The following ANKFN1 variants were observed in gnomAD, a reference collection of about 807,000 sequenced individuals.
The protein encoded by ANKFN1 is ankyrin repeat and fibronectin type III domain containing 1, also known as ankyrin repeat and fibronectin type-III domain-containing protein 1.
In ANKFN1, 74 loss-of-function variants were observed where a neutral mutation model predicts 108.7. The ratio of observed to expected loss-of-function variants is 0.68; its 90% CI spans 0.56 to 0.83. ANKFN1 has a LOEUF of 0.83. Ranked by LOEUF, ANKFN1 falls within the 40% of genes least tolerant of loss-of-function variation. The pLI is 0.00. For synonymous variants in ANKFN1, 547 were observed against 516.2 expected, an observed-to-expected ratio of 1.06 and a Z score of -0.81; for missense variants, 1,505 against 1,382.3, an observed-to-expected ratio of 1.09 and a Z score of -1.41.
At chr17:56,429,178 T>G (rs1353578407) in intron 8 of ANKFN1, among the ~76,000 whole-genome samples, 2 of 152,152 alleles carry the variant, frequency 1.3e-5, no homozygotes, top group African/African-American at 2.4e-5. Context: ...CAGATAGTGA[T>G]AAGTGAAAAA....
chr17:56,249,697 G>C (rs1163308919), intron 3 of ANKFN1, among the ~76,000 whole-genome samples: 1 of 152,198 alleles, frequency 6.6e-6, no homozygotes, highest in African/African-American at 2.4e-5. Flanking sequence ...GACTAGGATA[G>C]AGATCTCAGA....
chr17:56,163,128 C>A (rs1055375715), intron 1 of ANKFN1, among the ~76,000 whole-genome samples: 2 of 152,104 alleles, frequency 1.3e-5, no homozygotes, highest in Non-Finnish European at 2.9e-5. Context: ...GTTGAGCTCA[C>A]CAGAACAGAG....
chr17:56,337,008 T>C (rs2045829305), intron 4 of ANKFN1, among the ~76,000 whole-genome samples: 1 of 152,204 alleles, frequency 6.6e-6, no homozygotes, highest in African/African-American at 2.4e-5. Context: ...GGTTGTTTTG[T>C]TCCCATGTAG....
At chr17:56,362,537 G>A (rs2046549675) in intron 6 of ANKFN1, among the ~76,000 whole-genome samples, 1 of 152,190 alleles carries the variant, frequency 6.6e-6, no homozygotes, top group African/African-American at 2.4e-5. Context: ...TGGGAAAACT[G>A]TATATCCACA....
At chr17:56,162,888 A>G (rs1057283848) in intron 1 of ANKFN1, among the ~76,000 whole-genome samples, 7 of 152,042 alleles carry the variant, frequency 4.6e-5, no homozygotes, top group Non-Finnish European at 1.0e-4. Flanking sequence ...TACACAAATT[A>G]GCCAGGCATG....
intron 3 of ANKFN1, among the ~76,000 whole-genome samples, chr17:56,254,554 G>A (rs2043312271): frequency 6.6e-6 from 1 of 152,168 alleles, no homozygotes; most frequent in Non-Finnish European, 1.5e-5. Flanking sequence ...GGCATTTCCA[G>A]CAGTCTAATT....
chr17:56,261,934 T>C (rs2043521437), intron 3 of ANKFN1, among the ~76,000 whole-genome samples: 1 of 152,112 alleles, frequency 6.6e-6, no homozygotes, highest in Non-Finnish European at 1.5e-5. Flanking sequence ...GAATATCTCA[T>C]AGAGAAGACC....
At chr17:56,267,620 A>C (rs1598328274) in intron 3 of ANKFN1, among the ~76,000 whole-genome samples, 1 of 152,198 alleles carries the variant, frequency 6.6e-6, no homozygotes, top group Admixed American at 6.5e-5. Context: ...ATGGCTAAGC[A>C]GTTATCCCAG....
intron 2 of ANKFN1, among the ~76,000 whole-genome samples, chr17:56,217,708 C>T (rs1176216095): frequency 1.3e-5 from 2 of 152,088 alleles, no homozygotes; most frequent in Non-Finnish European, 2.9e-5. Context: ...TGAGTAAGTT[C>T]ATCTCCCCTT....
At chr17:56,338,487 A>C (rs904008983) in intron 4 of ANKFN1, among the ~76,000 whole-genome samples, 2 of 152,116 alleles carry the variant, frequency 1.3e-5, no homozygotes, top group African/African-American at 4.8e-5. Context: ...GATAGACTTC[A>C]ACCTGTGGGT....
At chr17:56,423,603 T>C (rs1449210680) in intron 8 of ANKFN1, among the ~76,000 whole-genome samples, 1 of 152,144 alleles carries the variant, frequency 6.6e-6, no homozygotes, top group Non-Finnish European at 1.5e-5. Flanking sequence ...TTTTTTCACA[T>C]GATTGTGCCC....
intron 4 of ANKFN1, among the ~76,000 whole-genome samples, chr17:56,142,867 C>G (rs1255767577): frequency 6.6e-6 from 1 of 152,190 alleles, no homozygotes; most frequent in East Asian, 1.9e-4. Context: ...CTCCACCCTA[C>G]TCACACTCCA....
chr17:56,193,456 G>A (rs1444076841), intron 1 of ANKFN1, among the ~76,000 whole-genome samples: 24 of 147,698 alleles, frequency 1.6e-4, no homozygotes, highest in Admixed American at 8.1e-4. Flanking sequence ...TATTTGTAGC[G>A]TTTTTAAAAA....
At chr17:56,083,731 C>T (rs538592593) in intron 4 of ANKFN1, among the ~76,000 whole-genome samples, 4 of 151,312 alleles carry the variant, frequency 2.6e-5, no homozygotes, top group East Asian at 1.9e-4. Flanking sequence ...ATTGTGGGGA[C>T]GCAGAGCTAA....
intron 4 of ANKFN1, among the ~76,000 whole-genome samples, chr17:56,118,529 C>T (rs1400342938): frequency 1.3e-5 from 2 of 152,160 alleles, no homozygotes; most frequent in African/African-American, 2.4e-5. Context: ...GCTGCTGCTG[C>T]AACTACTGCT....
chr17:56,324,376 T>G (rs2045457794), intron 3 of ANKFN1, among the ~76,000 whole-genome samples: 1 of 152,172 alleles, frequency 6.6e-6, no homozygotes, highest in Non-Finnish European at 1.5e-5. Context: ...TCCTTTGCAA[T>G]AAACATGGGC....
chr17:56,436,985 A>G (rs1568000509), intron 8 of ANKFN1, among the ~76,000 whole-genome samples: 1 of 152,212 alleles, frequency 6.6e-6, no homozygotes, highest in Non-Finnish European at 1.5e-5. Flanking sequence ...AAGGAAATAC[A>G]CAGAGGGAAA....
chr17:56,482,135 G>A (rs2050727642), intron 17 of ANKFN1, among the ~76,000 whole-genome samples: 2 of 152,128 alleles, frequency 1.3e-5, no homozygotes, highest in South Asian at 4.1e-4. Flanking sequence ...TTTATAAGAA[G>A]CATAAATGTT....
intron 3 of ANKFN1, among the ~76,000 whole-genome samples, chr17:56,273,696 A>C (rs1356359402): frequency 6.6e-6 from 1 of 152,234 alleles, no homozygotes; most frequent in South Asian, 2.1e-4. Flanking sequence ...AAAATGTTTA[A>C]GTTCCTAAAA....
Sources: allele counts gnomAD v4.1 joint callset (sites outside exome capture counted in the v4.1 genomes callset), GRCh38; gene constraint gnomAD v4.1.1; transcripts MANE v1.5; gene names NCBI Gene and HGNC (gene_info 2026-07-23, HGNC 2026-07-21).